TNIK: variants seen among roughly 807,000 people sequenced by gnomAD.
TNIK encodes TRAF2 and NCK-interacting protein kinase.
A neutral mutation model predicts 191.3 loss-of-function variants in TNIK; 49 were observed. That is an observed-to-expected ratio of 0.26 (90% CI 0.20 to 0.32). The LOEUF (loss-of-function observed/expected upper bound fraction) is 0.32. Among genes scored for constraint, TNIK ranks in the 10% least tolerant of loss-of-function variants. The probability of loss-of-function intolerance (pLI) is 1.00; values close to 1 mark genes in which losing one functional copy is unlikely to be tolerated. For synonymous variants in TNIK, 594 were observed against 600.9 expected (o/e 0.99, Z 0.17); for missense variants, 1,155 against 1,702.3 (o/e 0.68, Z 5.66).
intron 2 of TNIK, among the ~76,000 whole-genome samples, chr3:171,364,563 A>T (rs1317065825): frequency 6.6e-6 from 1 of 152,230 alleles, no homozygotes; most frequent in Non-Finnish European, 1.5e-5. Flanking sequence ...CAGACTAGGG[A>T]TAGTGATGGC....
intron 1 of TNIK, among the ~76,000 whole-genome samples, chr3:171,382,126 T>C (rs983585696): frequency 2.6e-5 from 4 of 152,218 alleles, no homozygotes; most frequent in Admixed American, 6.5e-5. Flanking sequence ...TATTCATTTA[T>C]GTTTAACTAA....
chr3:171,142,925 A>T (rs1731045767), intron 12 of TNIK, among the ~76,000 whole-genome samples: 1 of 152,182 alleles, frequency 6.6e-6, no homozygotes, highest in South Asian at 2.1e-4. Flanking sequence ...GAGTTAGCTG[A>T]TCTTTATGTG....
At chr3:171,082,549 A>G in intron 26 of TNIK, 155 bp from the exon 27 acceptor site, 1 of 829,396 alleles carries the variant, frequency 1.2e-6, no homozygotes, top group Non-Finnish European at 1.8e-6. Flanking sequence ...GCTCTGACAT[A>G]ATAATTAAAT....
intron 6 of TNIK, among the ~76,000 whole-genome samples, chr3:171,190,228 G>A (rs1737873979): frequency 6.6e-6 from 1 of 152,156 alleles, no homozygotes; most frequent in African/African-American, 2.4e-5. Context: ...AGAATATTAA[G>A]TATCCACTTT....
At chr3:171,206,615 CA>C (rs1238525440) in intron 4 of TNIK, among the ~76,000 whole-genome samples, 10 of 152,072 alleles carry the variant, frequency 6.6e-5, no homozygotes, top group Non-Finnish European at 1.2e-4. Flanking sequence ...AGGGGGCTTT[CA>C]CAGAACTTCC....
At chr3:171,093,999 A>G (rs772243635) in intron 22 of TNIK, 31 bp from the exon 23 acceptor site, 4 of 1,602,996 alleles carry the variant, frequency 2.5e-6, no homozygotes, top group Middle Eastern at 1.7e-4. Context: ...ATTCATGGCA[A>G]TGTATCTTTA....
At position 171,303,941 on chromosome 3, in the gene TNIK, G is replaced by C. The variant is rs1577408197; in HGVS notation, c.123+65679C>G. ...AAGGAACCTTTATAGAGTGTAGACT[G>C]GATATGTGCAGAGGCGCTGAAGAAC... On this transcript the variant is annotated intron_variant, in intron 2 of 32. Transcript: ENST00000436636. Among the ~76,000 whole-genome samples, 2 of 151,736 alleles carry C rather than the reference G, an allele frequency of 1.3e-5. 1 individual carries two copies. The highest frequency in any genetic ancestry group is 4.8e-5 in the African/African-American group (2 of 41,348).
chr3:171,347,791 TA>T (rs1712504455), intron 2 of TNIK, among the ~76,000 whole-genome samples: 1 of 152,112 alleles, frequency 6.6e-6, no homozygotes. Context: ...ATCCCCCTCT[TA>T]ATACCAAGGA....
At chr3:171,293,847 A>G (rs564062679) in intron 2 of TNIK, among the ~76,000 whole-genome samples, 5 of 152,276 alleles carry the variant, frequency 3.3e-5, no homozygotes, top group South Asian at 4.1e-4. Flanking sequence ...TAGGAGATCA[A>G]TGTGGGAAGA....
At chr3:171,404,567 C>T (rs1391861568) in intron 1 of TNIK, among the ~76,000 whole-genome samples, 1 of 151,790 alleles carries the variant, frequency 6.6e-6, no homozygotes, top group Non-Finnish European at 1.5e-5. Flanking sequence ...TCTGAGGAAT[C>T]TAGAATCCCT....
intron 1 of TNIK, among the ~76,000 whole-genome samples, chr3:171,371,972 A>G (rs1577673021): frequency 6.6e-6 from 1 of 152,002 alleles, no homozygotes; most frequent in East Asian, 1.9e-4. Context: ...GATACAGGAC[A>G]GTGATGAGTG....
chr3:171,381,716 A>G (rs1577707791), intron 1 of TNIK, among the ~76,000 whole-genome samples: 1 of 152,198 alleles, frequency 6.6e-6, no homozygotes, highest in African/African-American at 2.4e-5. Flanking sequence ...ATTCTGGCCA[A>G]TGGTATGTAA....
In TNIK at chr3:171,061,201, T is replaced by C. The variant is rs1717794270; in HGVS notation, c.*2680A>G. The C allele has an allele frequency of 6.6e-6, 1 of 152,308 alleles. No homozygotes were observed. Among genetic ancestry groups the C allele is most frequent in the East Asian group, 1.9e-4 (1 of 5,180 alleles). 9.4% of individuals were successfully genotyped at this position (152,308 alleles called of 1,614,324 possible). ...GTCTGTCTTGCTGGAGGAAAATTTA[T>C]TTTTGAAGATAAAAGCTTCAGTGAA... is the stretch of plus-strand genomic sequence containing the variant. On this transcript the variant is annotated 3_prime_UTR_variant, in exon 33 of 33. Transcript: ENST00000436636.
chr3:171,114,054 G>C (rs1185099720), intron 18 of TNIK, among the ~76,000 whole-genome samples: 1 of 146,568 alleles, frequency 6.8e-6, no homozygotes, highest in Non-Finnish European at 1.5e-5. Flanking sequence ...CTCTTTCTTT[G>C]AAATTTATAA....
chr3:171,230,264 C>T (rs1448719314), intron 2 of TNIK, among the ~76,000 whole-genome samples: 1 of 152,166 alleles, frequency 6.6e-6, no homozygotes, highest in Non-Finnish European at 1.5e-5. Flanking sequence ...GTAATGATGA[C>T]CCTTGCAAAG....
intron 2 of TNIK, among the ~76,000 whole-genome samples, chr3:171,245,289 T>G (rs1745466461): frequency 6.6e-6 from 1 of 152,164 alleles, no homozygotes; most frequent in Non-Finnish European, 1.5e-5. Context: ...TAGAGAATGC[T>G]TTGAGCATGA....
At chr3:171,256,516 T>G (rs1459603966) in intron 2 of TNIK, among the ~76,000 whole-genome samples, 1 of 152,076 alleles carries the variant, frequency 6.6e-6, no homozygotes, top group Non-Finnish European at 1.5e-5. Context: ...AAGCCACAGA[T>G]ACAAAGGACA....
intron 1 of TNIK, among the ~76,000 whole-genome samples, chr3:171,417,745 A>C (rs960002513): frequency 6.6e-6 from 1 of 152,106 alleles, no homozygotes; most frequent in Non-Finnish European, 1.5e-5. Flanking sequence ...CCCTTTTGTG[A>C]CAATCCCCAA....
intron 2 of TNIK, among the ~76,000 whole-genome samples, chr3:171,235,021 T>G (rs1236545422): frequency 6.8e-6 from 1 of 147,580 alleles, no homozygotes; most frequent in Non-Finnish European, 1.5e-5. Context: ...TAAAAATTTT[T>G]TATTTGTTTA....
Sources: gnomAD v4.1 joint callset for allele counts (sites outside exome capture counted in the v4.1 genomes callset) on GRCh38, gnomAD v4.1.1 for gene constraint, MANE v1.5 for transcripts, NCBI Gene and HGNC (gene_info 2026-07-23, HGNC 2026-07-21) for gene names.